The following AMOTL1 variants were observed in gnomAD, a reference collection of about 807,000 sequenced individuals.
The protein encoded by AMOTL1 is angiomotin-like protein 1.
In AMOTL1, 45 loss-of-function variants were observed where a neutral mutation model predicts 102.9. The observed-to-expected ratio is 0.44, with a 90% CI of 0.34 to 0.56. The LOEUF (loss-of-function observed/expected upper bound fraction) is 0.56, where lower values mean the gene tolerates loss of function less well. AMOTL1 is among the 20% of genes least tolerant of loss of function. AMOTL1 has a pLI of 0.01. For missense variants in AMOTL1, 1,114 were observed against 1,225.6 expected, an observed-to-expected ratio of 0.91 and a Z score of 1.36; for synonymous variants, 481 against 484.7, an observed-to-expected ratio of 0.99 and a Z score of 0.10.
intron 6 of AMOTL1, among the ~76,000 whole-genome samples, chr11:94,834,158 C>G (rs1255322960): frequency 6.6e-6 from 1 of 152,092 alleles, no homozygotes; most frequent in East Asian, 1.9e-4. Context: ...TTCAGAAACC[C>G]TATTGTTAGA....
chr11:94,725,290 G>C (rs909718758), intron 1 of AMOTL1, among the ~76,000 whole-genome samples: 2 of 152,084 alleles, frequency 1.3e-5, no homozygotes, highest in Non-Finnish European at 2.9e-5. Context: ...GGCCAGAACA[G>C]GGCCAGGAAG....
chr11:94,785,137 T>A (rs1951165683), intron 1 of AMOTL1, among the ~76,000 whole-genome samples: 1 of 152,234 alleles, frequency 6.6e-6, no homozygotes. Context: ...TGGATCCTTC[T>A]CTGCCTCATA....
At chr11:94,793,257 A>G (rs1004771477) in intron 1 of AMOTL1, among the ~76,000 whole-genome samples, 7 of 152,180 alleles carry the variant, frequency 4.6e-5, no homozygotes, top group African/African-American at 1.7e-4. Context: ...ATCGAAGCAT[A>G]TGGGCTCTCA....
Position 94,768,640 on chromosome 11 carries a change from G to C in AMOTL1, c.49+80G>C, listed in dbSNP as rs1950893012. The C allele has an allele frequency of 3.2e-6, 5 of 1,545,818 alleles. No homozygotes were observed. The Admixed American group carries it at 9.8e-5, about 30-fold the overall frequency. ...AGAACCCAGTCGCCCCGGGCTCCCCGGGCCCCTGCTGCTCACGGAAGGGGG... is the reference window on the plus strand; with the variant it reads ...AGAACCCAGTCGCCCCGGGCTCCCCCGGCCCCTGCTGCTCACGGAAGGGGG... On this transcript the variant is annotated intron_variant, in intron 1 of 12. Transcript: ENST00000433060.
At position 94,743,682 on chromosome 11, in the gene AMOTL1, G is replaced by A. The variant is rs193232601; in HGVS notation, c.136+2694G>A. ...TTTTTTTTTTTTTTTTTTTTGTGACGGTGTCTCGCTCTGTCGCCCAGATGG... is the reference window on the plus strand; with the variant it reads ...TTTTTTTTTTTTTTTTTTTTGTGACAGTGTCTCGCTCTGTCGCCCAGATGG... On this transcript the variant is annotated intron_variant, in intron 3 of 4. Coordinates refer to the AMOTL1 transcript ENST00000299004. Among the ~76,000 whole-genome samples the A allele has an allele frequency of 0.012, 1,165 of 93,240 alleles. 86 individuals carry two copies. In the Admixed American group the frequency reaches 0.17, roughly 13 times the overall value. The allele number at this position is 93,240 out of a possible 152,430, so 61.2% of individuals were successfully genotyped here.
At chr11:94,757,936 C>T (rs1950746233) in intron 3 of AMOTL1, among the ~76,000 whole-genome samples, 1 of 152,172 alleles carries the variant, frequency 6.6e-6, no homozygotes, top group African/African-American at 2.4e-5. Context: ...GTGGCGCATG[C>T]CTGCAATCCC....
intron 3 of AMOTL1, among the ~76,000 whole-genome samples, chr11:94,750,846 C>T (rs1169409913): frequency 6.6e-6 from 1 of 152,226 alleles, no homozygotes; most frequent in African/African-American, 2.4e-5. Flanking sequence ...TTCCCCAAAT[C>T]TGAGTAACTC....
At position 94,871,771 on chromosome 11, in the gene AMOTL1, T is replaced by G. The variant is rs1319135777; in HGVS notation, c.*976T>G. On this transcript the variant is annotated 3_prime_UTR_variant, in exon 13 of 13. Transcript: ENST00000433060. ...CATATTGCATTAAGATCGTGGCACTTGCTTTTTTGTCTTTCACATCGGCTG... is the reference window on the plus strand; with the variant it reads ...CATATTGCATTAAGATCGTGGCACTGGCTTTTTTGTCTTTCACATCGGCTG... The G allele has an allele frequency of 6.6e-6, 1 of 152,198 alleles. No homozygotes were observed. The highest frequency in any genetic ancestry group is 1.5e-5 in the Non-Finnish European group (1 of 68,042). 9.4% of individuals were successfully genotyped at this position (152,198 alleles called of 1,614,324 possible).
intron 3 of AMOTL1, among the ~76,000 whole-genome samples, chr11:94,751,804 GCA>G (rs1591929650): frequency 6.8e-6 from 1 of 146,638 alleles, no homozygotes; most frequent in East Asian, 2.1e-4. Context: ...ACACACACGT[GCA>G]CACACGCACA....
chr11:94,768,874 A>G (rs1163267934), intron 1 of AMOTL1, among the ~76,000 whole-genome samples: 2 of 151,630 alleles, frequency 1.3e-5, no homozygotes, highest in East Asian at 3.9e-4. Context: ...GCGCAGCCAT[A>G]TGGCCAGACA....
At chr11:94,761,722 A>G (rs1379682095) in intron 3 of AMOTL1, among the ~76,000 whole-genome samples, 5 of 152,074 alleles carry the variant, frequency 3.3e-5, no homozygotes, top group South Asian at 4.1e-4. Flanking sequence ...TGTAAAACAA[A>G]TTTTTCTCCT....
chr11:94,852,246 AG>A (rs1250083412), intron 7 of AMOTL1, among the ~76,000 whole-genome samples: 1 of 152,254 alleles, frequency 6.6e-6, no homozygotes, highest in African/African-American at 2.4e-5. Flanking sequence ...AGGTGTAAAA[AG>A]TCTAAAGTTG....
intron 11 of AMOTL1, among the ~76,000 whole-genome samples, chr11:94,868,854 C>T (rs1397155212): frequency 2.0e-5 from 3 of 151,742 alleles, no homozygotes; most frequent in Non-Finnish European, 2.9e-5. Flanking sequence ...CTTCTCTGTT[C>T]GTCCATACCA....
chr11:94,811,871 T>C (rs1247843625), intron 3 of AMOTL1, among the ~76,000 whole-genome samples: 4 of 152,192 alleles, frequency 2.6e-5, no homozygotes, highest in African/African-American at 7.2e-5. Flanking sequence ...GACTGCTCTC[T>C]ACCATCCTAT....
At chr11:94,831,310 G>T (rs1952065697) in intron 5 of AMOTL1, 142 bp from the exon 6 acceptor site, 2 of 581,738 alleles carry the variant, frequency 3.4e-6, no homozygotes, top group East Asian at 2.9e-5. Context: ...CATAGTTACT[G>T]TCTGTCCCCA....
Position 94,799,996 on chromosome 11 carries a change from C to T in AMOTL1, c.806C>T (p.Ser269Phe), listed in dbSNP as rs1475030317. ...CTCAGCGAGAGAATCATGCAGCTGT[C>T]CCTGGAGAGGAATGGGGCCAAGCAA... ...RSLSERIMQL[S>F]LERNGAKQHL... The change falls in exon 3 of 13, where the codon TCC becomes TTC. Residue 269 changes from serine (S) to phenylalanine (F), a missense_variant. Ser to Phe is a radical substitution (Grantham distance 155). Coordinates refer to ENST00000433060, the MANE Select transcript of AMOTL1 (RefSeq NM_130847.3). The surrounding 1 kb of genome is among the most constrained non-coding windows in gnomAD (Gnocchi z 4.5). 1.9e-6 allele frequency: 3 copies of T among 1,614,036 alleles called. No individual in the cohort carries two copies. Among genetic ancestry groups the T allele is most frequent in the Non-Finnish European group, 2.5e-6 (3 of 1,179,896 alleles).
chr11:94,731,116 C>A (rs949151162), intron 2 of AMOTL1, among the ~76,000 whole-genome samples: 1 of 152,164 alleles, frequency 6.6e-6, no homozygotes, highest in African/African-American at 2.4e-5. Context: ...GGAAGCCAGA[C>A]CTGTGTCTAG....
At position 94,850,242 on chromosome 11, in the gene AMOTL1, A is replaced by T. The variant is rs770535059; in HGVS notation, c.1777A>T (p.Ile593Phe). 8 of 1,595,460 alleles carry T rather than the reference A, an allele frequency of 5.0e-6. No individual in the cohort carries two copies. Among genetic ancestry groups the T allele is most frequent in the Non-Finnish European group, 6.8e-6 (8 of 1,171,022 alleles). ...TTTGAGCAACGCCCAGGCCAGGGTC[A>T]TCAAGCTGGAAGAGGAGGTGAGACC... ...QALSNAQARV[I>F]KLEEELREKQ... Residue 593 changes from isoleucine (I) to phenylalanine (F), a missense_variant, in exon 7 of 13, where the codon ATC (isoleucine) becomes TTC (phenylalanine). Transcript: ENST00000433060.
chr11:94,815,645 A>T (rs1184582752), intron 3 of AMOTL1, among the ~76,000 whole-genome samples: 1 of 152,106 alleles, frequency 6.6e-6, no homozygotes, highest in Non-Finnish European at 1.5e-5. Context: ...TTTAAAGGAA[A>T]ATAATATTTG....
Sources: allele counts gnomAD v4.1 joint callset (sites outside exome capture counted in the v4.1 genomes callset), GRCh38; gene constraint gnomAD v4.1.1; non-coding constraint Gnocchi (gnomAD v3.1); transcripts MANE v1.5; gene names NCBI Gene and HGNC (gene_info 2026-07-23, HGNC 2026-07-21).